C16orf74: variants seen among roughly 807,000 people sequenced by gnomAD.
C16orf74 encodes calcimembrin, also known as uncharacterized protein C16orf74.
Under a neutral mutation model 6.5 loss-of-function variants are expected in C16orf74, and 10 were observed. The observed-to-expected ratio is 1.54, with a 90% CI of 0.95 to 2.61. C16orf74 has a LOEUF of 2.61. Ranked by LOEUF, C16orf74 falls within the 30% of genes most tolerant of loss-of-function variation. C16orf74 has a pLI of 0.00. For missense variants in C16orf74, 141 were observed against 105.9 expected (o/e 1.33, Z -1.45); for synonymous variants, 60 against 42.5 (o/e 1.41, Z -1.60).
intron 2 of C16orf74, among the ~76,000 whole-genome samples, chr16:85,732,746 C>T (rs1410844625): frequency 6.7e-6 from 1 of 149,898 alleles, no homozygotes; most frequent in Non-Finnish European, 1.5e-5. Flanking sequence ...GTGTGGGCCT[C>T]ATCACCTCCA....
At chr16:85,750,684 G>C (rs1433729033) in intron 1 of C16orf74, among the ~76,000 whole-genome samples, 1 of 152,160 alleles carries the variant, frequency 6.6e-6, no homozygotes, top group African/African-American at 2.4e-5. Context: ...CCCCACCGCC[G>C]TGCAAGTTGC....
chr16:85,740,867 G>A (rs1022091581), intron 1 of C16orf74, among the ~76,000 whole-genome samples: 8 of 144,686 alleles, frequency 5.5e-5, no homozygotes, highest in African/African-American at 1.8e-4. Context: ...ATACACTGAC[G>A]TGTCTGGGCT....
At chr16:85,720,002 T>C (rs555853151) in intron 2 of C16orf74, among the ~76,000 whole-genome samples, 70 of 151,812 alleles carry the variant, frequency 4.6e-4, no homozygotes, top group African/African-American at 1.7e-3. Context: ...TGCAGGTCTT[T>C]CAAAAGCAAA....
intron 2 of C16orf74, among the ~76,000 whole-genome samples, chr16:85,731,720 C>T (rs1413360993): frequency 1.3e-5 from 2 of 151,076 alleles, no homozygotes; most frequent in Admixed American, 6.6e-5. Context: ...CAGGGTCTGG[C>T]TCTGTCACCC....
chr16:85,729,508 G>GC (rs1376084685), intron 2 of C16orf74, among the ~76,000 whole-genome samples: 3 of 152,172 alleles, frequency 2.0e-5, no homozygotes, highest in African/African-American at 7.2e-5. Flanking sequence ...GCACATTCCT[G>GC]CCCCCCACAG....
chr16:85,746,542 C>G (rs1373195478), intron 1 of C16orf74, among the ~76,000 whole-genome samples: 3 of 152,172 alleles, frequency 2.0e-5, no homozygotes, highest in Admixed American at 6.5e-5. Flanking sequence ...CAGATGAAAT[C>G]AGAGTAACCC....
chr16:85,733,205 G>C (rs1254496304), intron 2 of C16orf74, among the ~76,000 whole-genome samples: 3 of 152,240 alleles, frequency 2.0e-5, no homozygotes, highest in Admixed American at 2.0e-4. Context: ...CCACATGGTG[G>C]AATATTATTC....
At chr16:85,729,704 G>C (rs1008547949) in intron 2 of C16orf74, among the ~76,000 whole-genome samples, 1 of 152,200 alleles carries the variant, frequency 6.6e-6, no homozygotes, top group Non-Finnish European at 1.5e-5. Flanking sequence ...AATGCCTGGT[G>C]TCCTTACAAG....
chr16:85,710,570 G>A (rs536091280), intron 2 of C16orf74: 1 of 435,430 alleles, frequency 2.3e-6, no homozygotes, highest in South Asian at 3.3e-5. Flanking sequence ...TTGGCCTCTG[G>A]GTCCAGTTGT....
In C16orf74 at chr16:85,707,991, A is replaced by C; in HGVS notation, c.*17T>G. The C allele has an allele frequency of 7.1e-6, 11 of 1,551,148 alleles. No individual in the cohort carries two copies. Among genetic ancestry groups the C allele is most frequent in the Non-Finnish European group, 9.6e-6 (11 of 1,146,744 alleles). On this transcript the variant is annotated 3_prime_UTR_variant, in exon 4 of 4. Coordinates refer to ENST00000284245, the MANE Select transcript of C16orf74 (RefSeq NM_206967.3). ...CCGCTGGAGCAGGAGCCAGCCAGCC[A>C]AACCCAGGACACCTCCTCAGGCTTC...
intron 2 of C16orf74, 30 bp from the exon 3 acceptor site, chr16:85,710,337 A>G: frequency 1.4e-6 from 2 of 1,460,056 alleles, no homozygotes; most frequent in Non-Finnish European, 1.8e-6. Flanking sequence ...GCACACACGC[A>G]CGTACACACG....
At chr16:85,743,424 T>A (rs1011785547) in intron 1 of C16orf74, 1 of 152,068 alleles carries the variant, frequency 6.6e-6, no homozygotes, top group Non-Finnish European at 1.5e-5. Context: ...ATTATCACCA[T>A]CCTGTTTTAT....
intron 2 of C16orf74, among the ~76,000 whole-genome samples, chr16:85,731,183 G>C (rs149854681): frequency 1.3e-5 from 2 of 152,348 alleles, no homozygotes; most frequent in African/African-American, 4.8e-5. Context: ...GTTTACCCCA[G>C]AGGAAGCTGA....
At chr16:85,715,303 C>A (rs2054012704) in intron 2 of C16orf74, among the ~76,000 whole-genome samples, 1 of 151,784 alleles carries the variant, frequency 6.6e-6, no homozygotes, top group African/African-American at 2.4e-5. Flanking sequence ...ACCGCCCAGA[C>A]AATCTACTGG....
intron 2 of C16orf74, 119 bp downstream of exon 2, chr16:85,735,070 TA>T (rs903982423): frequency 7.4e-5 from 58 of 784,356 alleles, no homozygotes; most frequent in Non-Finnish European, 1.1e-4. Flanking sequence ...AGGACTGCTT[TA>T]AGGGATGGTG....
At chr16:85,747,142 G>A (rs1399147950) in intron 1 of C16orf74, among the ~76,000 whole-genome samples, 2 of 152,140 alleles carry the variant, frequency 1.3e-5, no homozygotes, top group South Asian at 2.1e-4. Context: ...GCCCATTGCC[G>A]ACTCTGGGCC....
chr16:85,708,011 G>A lies in C16orf74; in HGVS notation c.228C>T (p.Ala76=), dbSNP rs778149967. ...CAGCCAAACCCAGGACACCTCCTCAGGCTTCTGGGTCGATTTCTCCATCAT... is the reference window on the plus strand; with the variant it reads ...CAGCCAAACCCAGGACACCTCCTCAAGCTTCTGGGTCGATTTCTCCATCAT... ...CPDDGEIDPE[A] Residue 76 remains alanine (A), a synonymous_variant, in exon 4 of 4, where the codon GCC becomes GCT. Transcript: ENST00000284245. The A allele has an allele frequency of 1.3e-6, 2 of 1,552,646 alleles. No homozygotes were observed. Among genetic ancestry groups the A allele is most frequent in the South Asian group, 1.2e-5 (1 of 84,130 alleles).
chr16:85,712,386 C>G (rs142536260), intron 2 of C16orf74, among the ~76,000 whole-genome samples: 2 of 152,340 alleles, frequency 1.3e-5, no homozygotes, highest in African/African-American at 2.4e-5. Flanking sequence ...AGATTACTGA[C>G]AGTCAGCAAA....
chr16:85,731,301 G>A (rs2054184856), intron 2 of C16orf74, among the ~76,000 whole-genome samples: 1 of 152,290 alleles, frequency 6.6e-6, no homozygotes, highest in Non-Finnish European at 1.5e-5. Context: ...TGTATTAAGA[G>A]CATTAAACTG....
Sources: allele counts gnomAD v4.1 joint callset (sites outside exome capture counted in the v4.1 genomes callset), GRCh38; gene constraint gnomAD v4.1.1; transcripts MANE v1.5; gene names NCBI Gene and HGNC (gene_info 2026-07-23, HGNC 2026-07-21).